TENT2: variants seen among roughly 807,000 people sequenced by gnomAD.
TENT2 encodes the protein terminal nucleotidyltransferase 2, also known as poly(A) RNA polymerase GLD2.
In TENT2, 44 loss-of-function variants were observed where a neutral mutation model predicts 72.2. The ratio of observed to expected loss-of-function variants is 0.61; its 90% CI spans 0.48 to 0.78. The LOEUF (loss-of-function observed/expected upper bound fraction) is 0.78. Ranked by LOEUF, TENT2 falls within the 30% of genes least tolerant of loss-of-function variation. The probability of loss-of-function intolerance (pLI) is 0.00; values close to 1 mark genes in which losing one functional copy is unlikely to be tolerated. For missense variants in TENT2, 541 were observed against 569.6 expected (o/e 0.95, Z 0.51); for synonymous variants, 212 against 192.5 (o/e 1.10, Z -0.84).
intron 10 of TENT2, among the ~76,000 whole-genome samples, chr5:79,651,614 T>G (rs2150188504): frequency 6.6e-6 from 1 of 152,192 alleles, no homozygotes; most frequent in Non-Finnish European, 1.5e-5. Flanking sequence ...TGATTTTTTT[T>G]GTTTATGACA....
rs1298808641 is a variant in TENT2, at chr5:79,686,314, TGAAA to T, written c.*1045_*1048del. Reference sequence around the variant, plus strand: ...CTTTTTTAGTATTTCTTTTTTCACATGAAAGAAGTGGTGGCTGCTAAAAAAAAAG... The same window carrying T: ...CTTTTTTAGTATTTCTTTTTTCACATGAAGTGGTGGCTGCTAAAAAAAAAG... On this transcript the variant is annotated 3_prime_UTR_variant, in exon 15 of 15. Coordinates refer to ENST00000453514, the MANE Select transcript of TENT2 (RefSeq NM_001114394.3). 1.3e-5 allele frequency: 2 copies of T among 152,070 alleles called. No individual in the cohort carries two copies. Among genetic ancestry groups the T allele is most frequent in the African/African-American group, 2.4e-5 (1 of 41,388 alleles). 9.4% of individuals were successfully genotyped at this position (152,070 alleles called of 1,614,324 possible). A position where few individuals can be genotyped will look rare whatever the true frequency, so the allele number is the denominator to read the frequency against.
In TENT2 at chr5:79,640,843, G is replaced by A; in HGVS notation, c.466-8G>A. Reference sequence around the variant, plus strand: ...AAAACTTTTACTTTTTTTTGCGGTGGATTCAAGTTGAGTCAGCAGATACTG... The same window carrying A: ...AAAACTTTTACTTTTTTTTGCGGTGAATTCAAGTTGAGTCAGCAGATACTG... On this transcript the variant is annotated splice_region_variant and splice_polypyrimidine_tract_variant and intron_variant, in intron 4 of 14. Coordinates refer to ENST00000453514, the MANE Select transcript of TENT2 (RefSeq NM_001114394.3). 6.4e-7 allele frequency: 1 copy of A among 1,574,578 alleles called. No homozygotes were observed. The highest frequency in any genetic ancestry group is 1.9e-5 in the Admixed American group (1 of 51,848).
At chr5:79,624,660 TG>T (rs1367598580) in intron 4 of TENT2, among the ~76,000 whole-genome samples, 1 of 152,216 alleles carries the variant, frequency 6.6e-6, no homozygotes. Context: ...TCATTCAATA[TG>T]TGGCCTTCTG....
At chr5:79,665,090 C>G (rs1370191963) in intron 11 of TENT2, among the ~76,000 whole-genome samples, 1 of 152,152 alleles carries the variant, frequency 6.6e-6, no homozygotes, top group East Asian at 1.9e-4. Flanking sequence ...TAATGATGAC[C>G]TACCTGCGTG....
In TENT2 at chr5:79,665,833, T is replaced by TC. The variant is rs142375780; in HGVS notation, c.1072-3058dup. ...TTTGTAATTTTAAGGCTGCTTTTTTTCTCTTTGACTTTTTGGTTGTTCTTT... is the reference window on the plus strand; with the variant it reads ...TTTGTAATTTTAAGGCTGCTTTTTTTCCTCTTTGACTTTTTGGTTGTTCTTT... On this transcript the variant is annotated intron_variant, in intron 11 of 14. Coordinates refer to ENST00000453514, the MANE Select transcript of TENT2 (RefSeq NM_001114394.3). Among the ~76,000 whole-genome samples the TC allele has an allele frequency of 3.6e-3, 553 of 152,300 alleles. 6 individuals are homozygous for TC. The highest frequency in any genetic ancestry group is 0.013 in the African/African-American group (535 of 41,558).
chr5:79,682,102 C>T, intron 14 of TENT2, 41 bp downstream of exon 14: 1 of 1,457,792 alleles, frequency 6.9e-7, no homozygotes, highest in Non-Finnish European at 9.5e-7. Context: ...CATTAGTAGA[C>T]TAGTATGCTT....
chr5:79,654,205 G>A (rs1180295188), intron 10 of TENT2, among the ~76,000 whole-genome samples: 1 of 152,174 alleles, frequency 6.6e-6, no homozygotes, highest in East Asian at 1.9e-4. Flanking sequence ...GCTGAGGCGG[G>A]TGGATCACTT....
rs531239891 is a variant in TENT2, at chr5:79,625,946, C to T, written c.465+2457C>T. 7.7e-4 allele frequency among the ~76,000 whole-genome samples: 117 copies of T among 151,630 alleles called. 1 individual carries two copies. The South Asian group carries it at 0.02, about 26-fold the overall frequency. On this transcript the variant is annotated intron_variant, in intron 4 of 14. Coordinates refer to ENST00000453514, the MANE Select transcript of TENT2 (RefSeq NM_001114394.3). ...CGGGTTCAAGCGATTCTCCTGCTTC[C>T]GCCTCCTGAGTAGCTGGGATTACAG...
intron 4 of TENT2, among the ~76,000 whole-genome samples, chr5:79,631,835 G>A (rs755262635): frequency 4.6e-5 from 7 of 152,194 alleles, no homozygotes; most frequent in Non-Finnish European, 1.0e-4. Flanking sequence ...CTGTGTATAG[G>A]TGGAGTGATT....
Position 79,686,136 on chromosome 5 carries a change from T to G in TENT2, c.*863T>G, listed in dbSNP as rs1314419458. On this transcript the variant is annotated 3_prime_UTR_variant, in exon 15 of 15. Transcript: ENST00000453514. Reference sequence around the variant, plus strand: ...CAGAAACTGAGATCAAAGTTAAGATTATATCCTGTTTGTAGTATCAGATAT... The same window carrying G: ...CAGAAACTGAGATCAAAGTTAAGATGATATCCTGTTTGTAGTATCAGATAT... 1 of 152,596 alleles carries G rather than the reference T, an allele frequency of 6.6e-6. No homozygotes were observed. The highest frequency in any genetic ancestry group is 2.4e-5 in the African/African-American group (1 of 41,450). The allele number at this position is 152,596 out of a possible 1,614,324, so 9.5% of individuals were successfully genotyped here. A position where few individuals can be genotyped will look rare whatever the true frequency, so the allele number is the denominator to read the frequency against.
chr5:79,685,057 CAAAA>C, intron 14 of TENT2, 138 bp from the exon 15 acceptor site: 2 of 679,282 alleles, frequency 2.9e-6, no homozygotes, highest in Non-Finnish European at 4.8e-6. Context: ...GACCTTATCT[CAAAA>C]AAAGAAAAAA....
At chr5:79,636,492 A>G (rs760542985) in intron 4 of TENT2, among the ~76,000 whole-genome samples, 14 of 152,248 alleles carry the variant, frequency 9.2e-5, no homozygotes, top group Non-Finnish European at 1.5e-5. Flanking sequence ...TATTAAGTAT[A>G]GAAGTCAGGT....
chr5:79,628,381 G>T (rs1275416734), intron 4 of TENT2, among the ~76,000 whole-genome samples: 2 of 152,234 alleles, frequency 1.3e-5, no homozygotes, highest in African/African-American at 4.8e-5. Context: ...TTGCTGTTTA[G>T]TGAGTTTGGT....
chr5:79,668,782 A>G, intron 11 of TENT2, 110 bp from the exon 12 acceptor site: 6 of 1,305,916 alleles, frequency 4.6e-6, no homozygotes, highest in African/African-American at 1.5e-5. Context: ...TGCCAAATAG[A>G]GTAAATTTCT....
At position 79,654,169 on chromosome 5, in the gene TENT2, C is replaced by T. The variant is rs537063725; in HGVS notation, c.1028-2789C>T. On this transcript the variant is annotated intron_variant, in intron 10 of 14. Transcript: ENST00000453514. ...AAAGGAGGCCGGGCACGGTGGCTCA[C>T]GCCTGTAATCCCAGCAGTTTGGGAG... is the stretch of plus-strand genomic sequence containing the variant. Among the ~76,000 whole-genome samples the T allele has an allele frequency of 3.7e-4, 56 of 152,286 alleles. No individual in the cohort carries two copies. In the East Asian group the frequency reaches 0.01, roughly 28 times the overall value.
At position 79,642,757 on chromosome 5, in the gene TENT2, G is replaced by C. The variant is rs939708859; in HGVS notation, c.673-75G>C. Reference sequence around the variant, plus strand: ...AGTATATCTTGTATGTTTTCTTTTTGTTGAGATACTTTAGGAAAATGAAAC... The same window carrying C: ...AGTATATCTTGTATGTTTTCTTTTTCTTGAGATACTTTAGGAAAATGAAAC... On this transcript the variant is annotated intron_variant, in intron 6 of 14. Coordinates refer to ENST00000453514, the MANE Select transcript of TENT2 (RefSeq NM_001114394.3). The C allele has an allele frequency of 4.2e-4, 493 of 1,160,178 alleles. 1 individual carries two copies. The highest frequency in any genetic ancestry group is 2.0e-3 in the Middle Eastern group (7 of 3,580). The allele number at this position is 1,160,178 out of a possible 1,614,324, so 71.9% of individuals were successfully genotyped here. A position where few individuals can be genotyped will look rare whatever the true frequency, so the allele number is the denominator to read the frequency against.
intron 3 of TENT2, among the ~76,000 whole-genome samples, 159 bp downstream of exon 3, chr5:79,620,242 G>C (rs755166540): frequency 6.6e-6 from 1 of 152,062 alleles, no homozygotes; most frequent in Non-Finnish European, 1.5e-5. Context: ...ATTTTTATGC[G>C]TTTAAAAATT....
intron 3 of TENT2, among the ~76,000 whole-genome samples, chr5:79,621,779 AAAC>A (rs1342815342): frequency 8.0e-5 from 12 of 149,598 alleles, no homozygotes; most frequent in Admixed American, 2.0e-4. Context: ...AAAACAAAAA[AAAC>A]AAAACTCCAT....
Position 79,679,633 on chromosome 5 carries a change from T to A in TENT2, c.1263T>A (p.Asp421Glu), listed in dbSNP as rs367691377. 5 of 1,602,640 alleles carry A rather than the reference T, an allele frequency of 3.1e-6. No homozygotes were observed. Among genetic ancestry groups the A allele is most frequent in the Non-Finnish European group, 4.3e-6 (5 of 1,173,694 alleles). ...VREAKAIPRP[D>E]GIEWRNKYIC... ...AAGCCAAAGCCATTCCAAGGCCTGA[T>A]GGTATTGAATGGAGAAATAAATACA... Residue 421 changes from aspartate to glutamate, a missense_variant, in exon 13 of 15, where the codon GAT (aspartate) becomes GAA (glutamate). Coordinates refer to ENST00000453514, the MANE Select transcript of TENT2 (RefSeq NM_001114394.3).
Sources: allele counts gnomAD v4.1 joint callset (sites outside exome capture counted in the v4.1 genomes callset), GRCh38; gene constraint gnomAD v4.1.1; transcripts MANE v1.5; gene names NCBI Gene and HGNC (gene_info 2026-07-23, HGNC 2026-07-21).